GRID2: variants seen among roughly 807,000 people sequenced by gnomAD.
GRID2 encodes the protein glutamate receptor ionotropic, delta-2.
In GRID2, 33 loss-of-function variants were observed where a neutral mutation model predicts 114.8. The observed-to-expected ratio is 0.29, with a 90% CI of 0.22 to 0.38. GRID2 has a LOEUF of 0.38. Among genes scored for constraint, GRID2 ranks in the 10% least tolerant of loss-of-function variants. The pLI, the probability that GRID2 is intolerant of heterozygous loss-of-function variation, is 1.00. For missense variants in GRID2, 1,184 were observed against 1,257.7 expected (o/e 0.94, Z 0.89); for synonymous variants, 505 against 449.9 (o/e 1.12, Z -1.55).
intron 1 of GRID2, among the ~76,000 whole-genome samples, chr4:92,474,091 C>G (rs918742260): frequency 1.3e-5 from 2 of 151,306 alleles, no homozygotes; most frequent in Non-Finnish European, 2.9e-5. Context: ...TAACTGTAGT[C>G]AACATGTTAA....
intron 2 of GRID2, among the ~76,000 whole-genome samples, chr4:92,656,364 C>G (rs1015798026): frequency 2.0e-5 from 3 of 151,422 alleles, no homozygotes; most frequent in Admixed American, 6.6e-5. Flanking sequence ...ATCCATTGTT[C>G]TCCATATACT....
intron 14 of GRID2, among the ~76,000 whole-genome samples, chr4:93,763,857 A>C (rs1165845309): frequency 1.3e-5 from 2 of 152,132 alleles, no homozygotes; most frequent in Non-Finnish European, 2.9e-5. Flanking sequence ...GGCAGGTGTC[A>C]TTTTTCTTAG....
intron 12 of GRID2, among the ~76,000 whole-genome samples, chr4:93,494,364 G>A (rs1053913891): frequency 4.0e-5 from 6 of 151,296 alleles, no homozygotes; most frequent in Non-Finnish European, 7.4e-5. Context: ...TGTCAGTGAA[G>A]GGGAGAGAGA....
intron 13 of GRID2, among the ~76,000 whole-genome samples, chr4:93,539,414 C>G (rs1175337555): frequency 2.0e-5 from 3 of 151,934 alleles, no homozygotes; most frequent in African/African-American, 7.2e-5. Flanking sequence ...AGCTTTTCTC[C>G]ATTGTCTAAG....
intron 12 of GRID2, among the ~76,000 whole-genome samples, chr4:93,513,796 T>C (rs1284685597): frequency 6.6e-6 from 1 of 152,204 alleles, no homozygotes; most frequent in Non-Finnish European, 1.5e-5. Context: ...AATACTCTTC[T>C]GACAAACATG....
chr4:93,437,033 C>T (rs1256372967), intron 10 of GRID2, among the ~76,000 whole-genome samples: 1 of 151,922 alleles, frequency 6.6e-6, no homozygotes, highest in South Asian at 2.1e-4. Context: ...TAGAACATCA[C>T]CAGAATTTGA....
At chr4:92,902,028 T>C (rs953536633) in intron 2 of GRID2, among the ~76,000 whole-genome samples, 1 of 152,104 alleles carries the variant, frequency 6.6e-6, no homozygotes, top group Non-Finnish European at 1.5e-5. Flanking sequence ...TATTTGTTAG[T>C]ACAGATTTAA....
At chr4:93,332,291 T>TGAGAGAGAGA (rs1439107466) in intron 8 of GRID2, among the ~76,000 whole-genome samples, 83 of 107,322 alleles carry the variant, frequency 7.7e-4, no homozygotes, top group African/African-American at 3.6e-3. Context: ...TGTGTGTGTG[T>TGAGAGAGAGA]GTGTGTGTGA....
intron 9 of GRID2, among the ~76,000 whole-genome samples, chr4:93,410,542 A>G (rs1767010397): frequency 6.6e-6 from 1 of 152,132 alleles, no homozygotes; most frequent in Non-Finnish European, 1.5e-5. Context: ...CCTCTCTTGC[A>G]TCTTCAACAT....
intron 2 of GRID2, among the ~76,000 whole-genome samples, chr4:92,908,956 A>G (rs1044362350): frequency 1.3e-5 from 2 of 152,292 alleles, no homozygotes; most frequent in Non-Finnish European, 2.9e-5. Flanking sequence ...TGAAAGTGAT[A>G]TGAGAAATAA....
chr4:93,148,448 AAAG>A (rs1401333753), intron 4 of GRID2, among the ~76,000 whole-genome samples: 2 of 152,194 alleles, frequency 1.3e-5, no homozygotes, highest in Admixed American at 6.6e-5. Flanking sequence ...GCGTGAAGGA[AAAG>A]AAGGGATTCA....
In GRID2 at chr4:93,556,526, A is replaced by G. The variant is rs552385773; in HGVS notation, c.2193+41115A>G. ...GATATCAGAGATTGAAGATCAACTT[A>G]ATGAAATAAGTGTGAAGACAAGATT... On this transcript the variant is annotated intron_variant, in intron 13 of 15. Transcript: ENST00000282020. Among the ~76,000 whole-genome samples the G allele has an allele frequency of 2.0e-5, 3 of 152,336 alleles. No homozygotes were observed. The East Asian group carries it at 5.8e-4, about 29-fold the overall frequency.
chr4:92,659,065 A>T (rs187823697), intron 2 of GRID2, among the ~76,000 whole-genome samples: 1 of 133,816 alleles, frequency 7.5e-6, no homozygotes, highest in East Asian at 2.8e-4. Flanking sequence ...ATAGATTACA[A>T]TGTCATGTAG....
intron 2 of GRID2, among the ~76,000 whole-genome samples, chr4:92,737,760 TTTTG>T (rs1282482422): frequency 1.3e-5 from 2 of 152,164 alleles, no homozygotes; most frequent in Admixed American, 1.3e-4. Flanking sequence ...ATTCTCAATA[TTTTG>T]TTTATGTAAA....
Position 93,274,963 on chromosome 4 carries a change from T to G in GRID2, c.1245+36473T>G, listed in dbSNP as rs575675438. 3.3e-5 allele frequency among the ~76,000 whole-genome samples: 5 copies of G among 152,158 alleles called. No individual in the cohort carries two copies. The East Asian group carries it at 9.7e-4, about 29-fold the overall frequency. On this transcript the variant is annotated intron_variant, in intron 8 of 15. Transcript: ENST00000282020. ...TATGCTTTTAACATGTAAAATTCAG[T>G]GCTTTAAATATATCCACAAAGTTAT...
intron 13 of GRID2, among the ~76,000 whole-genome samples, chr4:93,591,010 A>T (rs1336592486): frequency 1.3e-5 from 2 of 151,518 alleles, no homozygotes; most frequent in Admixed American, 1.3e-4. Flanking sequence ...AACAGGGACA[A>T]TTGGACTTCC....
At chr4:92,772,995 C>A (rs1291411001) in intron 2 of GRID2, among the ~76,000 whole-genome samples, 1 of 152,170 alleles carries the variant, frequency 6.6e-6, no homozygotes, top group Non-Finnish European at 1.5e-5. Context: ...CTAGAAAAAT[C>A]ACCTACTCAT....
intron 13 of GRID2, among the ~76,000 whole-genome samples, chr4:93,604,998 G>A (rs189605157): frequency 1.3e-5 from 2 of 152,120 alleles, no homozygotes; most frequent in Non-Finnish European, 2.9e-5. Context: ...AACTGAACCT[G>A]CAGTATCTCT....
At chr4:92,384,862 C>T (rs1306103464) in intron 1 of GRID2, among the ~76,000 whole-genome samples, 2 of 149,832 alleles carry the variant, frequency 1.3e-5, no homozygotes, top group Non-Finnish European at 3.0e-5. Flanking sequence ...TAAAGATTCA[C>T]GACGCATTCT....
Sources: gnomAD v4.1 joint callset for allele counts (sites outside exome capture counted in the v4.1 genomes callset) on GRCh38, gnomAD v4.1.1 for gene constraint, MANE v1.5 for transcripts, NCBI Gene and HGNC (gene_info 2026-07-23, HGNC 2026-07-21) for gene names.